Variants in XKR9 observed in about 807,000 individuals in gnomAD.
The protein encoded by XKR9 is XK-related protein 9.
XKR9 carries 32 observed loss-of-function variants against 32.0 expected under a neutral mutation model. The observed-to-expected ratio is 1.00, with a 90% CI of 0.76 to 1.34. The LOEUF (loss-of-function observed/expected upper bound fraction) is 1.34. XKR9 is among the 40% of genes most tolerant of loss of function. The probability of loss-of-function intolerance (pLI) is 0.00; values close to 1 mark genes in which losing one functional copy is unlikely to be tolerated. For synonymous variants in XKR9, 168 were observed against 143.4 expected (o/e 1.17, Z -1.22); for missense variants, 546 against 429.7 (o/e 1.27, Z -2.39).
At chr8:70,846,738 T>C in the XKR9 span, among the ~76,000 whole-genome samples, 1 of 151,898 alleles carries the variant, frequency 6.6e-6, no homozygotes, top group Non-Finnish European at 1.5e-5. Context: ...GCTATACTTA[T>C]CACCAATAAA....
the XKR9 span, among the ~76,000 whole-genome samples, chr8:70,885,295 T>C: frequency 4.4e-4 from 67 of 152,308 alleles, 2 homozygotes; most frequent in Middle Eastern, 0.02. Flanking sequence ...ATGGATAATA[T>C]ACAAGGTACG....
the XKR9 span, among the ~76,000 whole-genome samples, chr8:71,008,843 A>AT: frequency 6.6e-6 from 1 of 151,170 alleles, no homozygotes; most frequent in Non-Finnish European, 1.5e-5. Flanking sequence ...TGATTTTTAA[A>AT]TTTTTTGTAG....
chr8:70,881,378 A>C, the XKR9 span, among the ~76,000 whole-genome samples: 14 of 152,138 alleles, frequency 9.2e-5, no homozygotes, highest in African/African-American at 3.4e-4. Context: ...CATCTGATGA[A>C]GGGCTAATAT....
At chr8:70,814,603 T>C in the XKR9 span, among the ~76,000 whole-genome samples, 3 of 151,456 alleles carry the variant, frequency 2.0e-5, no homozygotes. Context: ...CTAAAAATAA[T>C]AAAGGCCATA....
the XKR9 span, among the ~76,000 whole-genome samples, chr8:70,923,927 C>G: frequency 3.9e-5 from 6 of 151,994 alleles, no homozygotes; most frequent in African/African-American, 1.5e-4. Flanking sequence ...CTTAGTAAAT[C>G]TGATATCTCC....
At chr8:71,055,637 T>C in the XKR9 span, among the ~76,000 whole-genome samples, 1 of 152,190 alleles carries the variant, frequency 6.6e-6, no homozygotes, top group Admixed American at 6.5e-5. Context: ...AGTAATATGG[T>C]GATTGAACAC....
At chr8:71,050,232 CAG>C in the XKR9 span, among the ~76,000 whole-genome samples, 5,282 of 97,236 alleles carry the variant, frequency 0.054, 133 homozygotes, top group Admixed American at 0.081. Flanking sequence ...TTATGCCTGG[CAG>C]AGATATATAT....
At chr8:70,845,080 G>T in the XKR9 span, among the ~76,000 whole-genome samples, 3 of 152,214 alleles carry the variant, frequency 2.0e-5, no homozygotes, top group African/African-American at 7.2e-5. Context: ...GGTCCAAGGA[G>T]TGGCCTACCT....
At chr8:71,064,033 T>C in the XKR9 span, among the ~76,000 whole-genome samples, 1,087 of 152,340 alleles carry the variant, frequency 7.1e-3, 8 homozygotes, top group Non-Finnish European at 8.9e-3. Flanking sequence ...AAAACACTAA[T>C]AATATTTTGC....
the XKR9 span, among the ~76,000 whole-genome samples, chr8:70,848,384 C>G: frequency 6.6e-6 from 1 of 151,818 alleles, no homozygotes; most frequent in Non-Finnish European, 1.5e-5. Flanking sequence ...CCTTTAAGGA[C>G]TGGAACAAGT....
the XKR9 span, among the ~76,000 whole-genome samples, chr8:70,951,561 C>A: frequency 6.6e-6 from 1 of 152,216 alleles, no homozygotes; most frequent in Admixed American, 6.5e-5. Context: ...GTTATGTGTA[C>A]CTGAAATTTG....
chr8:70,988,065 C>A, the XKR9 span, among the ~76,000 whole-genome samples: 41 of 152,244 alleles, frequency 2.7e-4, no homozygotes, highest in African/African-American at 9.6e-4. Flanking sequence ...AGCTTGAGGA[C>A]CCTGGGCCTG....
At chr8:70,879,965 T>C in the XKR9 span, among the ~76,000 whole-genome samples, 1 of 152,116 alleles carries the variant, frequency 6.6e-6, no homozygotes, top group Admixed American at 6.6e-5. Flanking sequence ...GCAAGACAGG[T>C]TCAACATATG....
intron 4 of XKR9, among the ~76,000 whole-genome samples, chr8:70,722,430 A>G (rs562643846): frequency 1.4e-3 from 206 of 152,288 alleles, no homozygotes; most frequent in Non-Finnish European, 2.5e-3. Context: ...TGCAGTGGCT[A>G]GTACCAGCTT....
the XKR9 span, among the ~76,000 whole-genome samples, chr8:70,883,438 T>C: frequency 2.0e-5 from 3 of 152,202 alleles, no homozygotes; most frequent in African/African-American, 7.2e-5. Flanking sequence ...TGCTATAGAC[T>C]TGTGTGTGTA....
At chr8:70,785,287 ATTCATGTATAATTATT>A (rs1166339416) in intron 2 of XKR9, among the ~76,000 whole-genome samples, 2 of 151,836 alleles carry the variant, frequency 1.3e-5, no homozygotes, top group Non-Finnish European at 2.9e-5. Context: ...TATCCAATTT[ATTCATGTATAATTATT>A]CATAGTAGTC....
intron 2 of XKR9, among the ~76,000 whole-genome samples, chr8:70,763,430 T>C (rs1490216810): frequency 2.0e-5 from 3 of 152,222 alleles, no homozygotes. Context: ...TTAGCATTCC[T>C]AGAGATCTGG....
At chr8:70,838,184 G>A in the XKR9 span, among the ~76,000 whole-genome samples, 1 of 152,040 alleles carries the variant, frequency 6.6e-6, no homozygotes, top group African/African-American at 2.4e-5. Flanking sequence ...GATGATAACA[G>A]ATTTACTAAG....
the XKR9 span, among the ~76,000 whole-genome samples, chr8:70,844,393 C>T: frequency 5.8e-4 from 89 of 152,312 alleles, no homozygotes; most frequent in African/African-American, 2.1e-3. Flanking sequence ...AACCCAAGAG[C>T]CTGAGAACTG....
Sources: gnomAD v4.1 joint callset for allele counts (sites outside exome capture counted in the v4.1 genomes callset) on GRCh38, gnomAD v4.1.1 for gene constraint, MANE v1.5 for transcripts, NCBI Gene and HGNC (gene_info 2026-07-23, HGNC 2026-07-21) for gene names.